SRRM3: variants seen among roughly 807,000 people sequenced by gnomAD.
SRRM3 encodes serine/arginine repetitive matrix 3.
A neutral mutation model predicts 66.2 loss-of-function variants in SRRM3; 27 were observed. That is an observed-to-expected ratio of 0.41 (90% CI 0.30 to 0.56). SRRM3 has a LOEUF of 0.56. Among genes scored for constraint, SRRM3 ranks in the 20% least tolerant of loss-of-function variants. The pLI is 0.32. For missense variants in SRRM3, 918 were observed against 991.9 expected (o/e 0.93, Z 1.00); for synonymous variants, 391 against 414.9 (o/e 0.94, Z 0.70).
chr7:76,262,056 C>A (rs1157872167), intron 8 of SRRM3, among the ~76,000 whole-genome samples: 1 of 151,802 alleles, frequency 6.6e-6, no homozygotes, highest in Non-Finnish European at 1.5e-5. Flanking sequence ...GGTTATGGAG[C>A]CATCCTCCAC....
Position 76,248,171 on chromosome 7 carries a change from T to C in SRRM3, c.234-17T>C. The stretch of plus-strand genomic sequence containing the variant: ...ATCTGGGAGACCAGCCCCTTCACCC[T>C]CTCTGTGCCCCTGCAGGTATTCGGA... On this transcript the variant is annotated splice_polypyrimidine_tract_variant and intron_variant, in intron 2 of 14. Coordinates refer to ENST00000611745, the MANE Select transcript of SRRM3 (RefSeq NM_001110199.3). 1 of 1,605,882 alleles carries C rather than the reference T, an allele frequency of 6.2e-7. No homozygotes were observed. Among genetic ancestry groups the C allele is most frequent in the Non-Finnish European group, 8.5e-7 (1 of 1,174,832 alleles).
chr7:76,275,482 C>G (rs1802322263), intron 11 of SRRM3, among the ~76,000 whole-genome samples: 1 of 136,190 alleles, frequency 7.3e-6, no homozygotes, highest in Admixed American at 7.9e-5. Context: ...GAGCGAGACT[C>G]AGTCCCTGCT....
intron 8 of SRRM3, among the ~76,000 whole-genome samples, chr7:76,262,324 G>A (rs1476993435): frequency 6.6e-6 from 1 of 151,830 alleles, no homozygotes. Flanking sequence ...TGGACAACAT[G>A]GTGAAATCCT....
At position 76,216,760 on chromosome 7, in the gene SRRM3, C is replaced by T. The variant is rs193256802; in HGVS notation, c.-40+14693C>T. Among the ~76,000 whole-genome samples, 109 of 152,304 alleles carry T rather than the reference C, an allele frequency of 7.2e-4. 1 individual carries two copies. The Middle Eastern group carries it at 0.017, about 24-fold the overall frequency. On this transcript the variant is annotated intron_variant, in intron 1 of 14. Transcript: ENST00000611745. ...GAGAGTGAATGTGGGGTCTCTCCCTCTCTCCCCTTTTACTGTCCAATTCTG... is the reference window on the plus strand; with the variant it reads ...GAGAGTGAATGTGGGGTCTCTCCCTTTCTCCCCTTTTACTGTCCAATTCTG...
chr7:76,237,013 C>T (rs1554605039), intron 2 of SRRM3, among the ~76,000 whole-genome samples: 1 of 152,108 alleles, frequency 6.6e-6, no homozygotes, highest in Non-Finnish European at 1.5e-5. Flanking sequence ...TCACGTGGCT[C>T]CCGGCACTTT....
At chr7:76,245,815 C>G (rs1801427555) in intron 2 of SRRM3, among the ~76,000 whole-genome samples, 1 of 152,194 alleles carries the variant, frequency 6.6e-6, no homozygotes, top group Non-Finnish European at 1.5e-5. Flanking sequence ...CCTGCCTCGG[C>G]CTCGTGGGTA....
Position 76,285,987 on chromosome 7 carries a change from C to G in SRRM3, c.*144C>G. On this transcript the variant is annotated 3_prime_UTR_variant, in exon 15 of 15. Transcript: ENST00000611745. This position sits in a 1 kb window ranked among gnomAD's most constrained non-coding sequence, Gnocchi z 4.1. ...GGGCCAGTGCACGGGCAGATGGGAC[C>G]GGGGAAGACTTTGAGGGTGGGCATC... 2.2e-6 allele frequency: 2 copies of G among 904,816 alleles called. No individual in the cohort carries two copies. The highest frequency in any genetic ancestry group is 3.3e-6 in the Non-Finnish European group (2 of 600,968). 56.0% of individuals were successfully genotyped at this position (904,816 alleles called of 1,614,324 possible). A position where few individuals can be genotyped will look rare whatever the true frequency, so the allele number is the denominator to read the frequency against.
Position 76,285,398 on chromosome 7 carries a change from G to A in SRRM3, c.1734-217G>A, listed in dbSNP as rs1303770057. The A allele has an allele frequency of 3.4e-6, 2 of 580,990 alleles. No individual in the cohort carries two copies. Among genetic ancestry groups the A allele is most frequent in the African/African-American group, 3.7e-5 (2 of 53,372 alleles). The allele number at this position is 580,990 out of a possible 1,614,324, so 36.0% of individuals were successfully genotyped here. A position where few individuals can be genotyped will look rare whatever the true frequency, so the allele number is the denominator to read the frequency against. ...ATTTATTAGCAGGTGTTCGGATCGG[G>A]CAGAGACATGGTCTCCTTTCCCTGC... On this transcript the variant is annotated intron_variant, in intron 14 of 14. Transcript: ENST00000611745. This position sits in a 1 kb window ranked among gnomAD's most constrained non-coding sequence, Gnocchi z 4.1.
At chr7:76,230,524 C>T (rs1554604148) in intron 1 of SRRM3, among the ~76,000 whole-genome samples, 1 of 151,742 alleles carries the variant, frequency 6.6e-6, no homozygotes, top group East Asian at 1.9e-4. Flanking sequence ...TGGTGGTGCA[C>T]CTGTAGTTTC....
At chr7:76,258,437 G>C (rs373194116) in intron 3 of SRRM3, among the ~76,000 whole-genome samples, 1 of 152,146 alleles carries the variant, frequency 6.6e-6, no homozygotes, top group African/African-American at 2.4e-5. Context: ...AGAGTTTGCC[G>C]GGCGCGGTGG....
intron 2 of SRRM3, among the ~76,000 whole-genome samples, chr7:76,237,107 A>G (rs1171505326): frequency 6.6e-6 from 1 of 151,996 alleles, no homozygotes; most frequent in African/African-American, 2.4e-5. Context: ...CTCTACTAGT[A>G]ATACAAAAAA....
chr7:76,230,199 A>T (rs1440217042), intron 1 of SRRM3, among the ~76,000 whole-genome samples: 1 of 152,190 alleles, frequency 6.6e-6, no homozygotes, highest in African/African-American at 2.4e-5. Flanking sequence ...ATTGGATCAG[A>T]TGTGGTGAGA....
chr7:76,257,675 G>C (rs930316524), intron 3 of SRRM3, among the ~76,000 whole-genome samples: 2 of 151,964 alleles, frequency 1.3e-5, no homozygotes, highest in East Asian at 3.9e-4. Flanking sequence ...CTGGAGGCTG[G>C]AGTGGGAGGA....
intron 1 of SRRM3, among the ~76,000 whole-genome samples, chr7:76,234,414 T>G (rs1801089848): frequency 6.6e-6 from 1 of 152,166 alleles, no homozygotes; most frequent in African/African-American, 2.4e-5. Context: ...GGGCCCAATC[T>G]GGGTGAGCCC....
intron 3 of SRRM3, among the ~76,000 whole-genome samples, chr7:76,249,052 C>A (rs556614273): frequency 6.6e-6 from 1 of 152,226 alleles, no homozygotes; most frequent in South Asian, 2.1e-4. Flanking sequence ...AGCCCACACA[C>A]CAAATCCCAC....
Position 76,285,689 on chromosome 7 carries a change from C to T in SRRM3, c.1808C>T (p.Ser603Leu), listed in dbSNP as rs200067879. ...TCCAGCTGCTTGAGCAGCGACTACT[C>T]GACCCGGAGCCACAGCCGCAGCCCC... Reference protein sequence around the residue: ...SSSSCLSSDYSTRSHSRSPSP... With the variant: ...SSSSCLSSDYLTRSHSRSPSP... The change falls in exon 15 of 15, where the codon TCG (serine) becomes TTG (leucine). Residue 603 changes from serine (S) to leucine (L), a missense_variant. Physicochemically the swap from Ser to Leu is moderately radical, Grantham distance 145. Coordinates refer to ENST00000611745, the MANE Select transcript of SRRM3 (RefSeq NM_001110199.3). The surrounding 1 kb of genome is among the most constrained non-coding windows in gnomAD (Gnocchi z 4.1). 652 of 1,551,050 alleles carry T rather than the reference C, an allele frequency of 4.2e-4. 2 individuals are homozygous for T. In the Admixed American group the frequency reaches 8.8e-3, roughly 21 times the overall value.
At chr7:76,258,351 G>T (rs1456494018) in intron 3 of SRRM3, among the ~76,000 whole-genome samples, 1 of 152,192 alleles carries the variant, frequency 6.6e-6, no homozygotes, top group Non-Finnish European at 1.5e-5. Context: ...ACCCAGGTGA[G>T]GAAAGACCCA....
Position 76,282,832 on chromosome 7 carries a change from A to G in SRRM3, c.1555A>G (p.Ser519Gly). 6.9e-7 allele frequency: 1 copy of G among 1,457,058 alleles called. No homozygotes were observed. The highest frequency in any genetic ancestry group is 9.0e-7 in the Non-Finnish European group (1 of 1,109,622). 90.3% of individuals were successfully genotyped at this position (1,457,058 alleles called of 1,614,324 possible). ...GCGCTCTGCGGAGAAGCGGCCCCAC[A>G]GCCCCAGCCGCTCGCCGTCGCCCAA... The part of the protein sequence containing the change: ...RSRSAEKRPH[S>G]PSRSPSPKKP... Residue 519 changes from serine to glycine, a missense_variant, in exon 13 of 15, where the codon AGC becomes GGC. Coordinates refer to ENST00000611745, the MANE Select transcript of SRRM3 (RefSeq NM_001110199.3).
chr7:76,252,383 A>G (rs533377809), intron 3 of SRRM3, among the ~76,000 whole-genome samples: 3 of 152,290 alleles, frequency 2.0e-5, no homozygotes, highest in East Asian at 1.9e-4. Context: ...GTGCAGCTCT[A>G]TGATCTCTGC....
Sources: allele counts gnomAD v4.1 joint callset (sites outside exome capture counted in the v4.1 genomes callset), GRCh38; gene constraint gnomAD v4.1.1; non-coding constraint Gnocchi (gnomAD v3.1); transcripts MANE v1.5; gene names NCBI Gene and HGNC (gene_info 2026-07-23, HGNC 2026-07-21).